ZNF45: variants seen among roughly 807,000 people sequenced by gnomAD.
ZNF45 encodes zinc finger protein 45, also known as BRC1744.
A neutral mutation model predicts 12.0 loss-of-function variants in ZNF45; 4 were observed. That is an observed-to-expected ratio of 0.33 (90% confidence interval 0.16 to 0.76). The LOEUF (loss-of-function observed/expected upper bound fraction) is 0.76, where lower values mean the gene tolerates loss of function less well. Among genes scored for constraint, ZNF45 ranks in the 30% least tolerant of loss-of-function variants. ZNF45 has a pLI of 0.60. For missense variants in ZNF45, 700 were observed against 813.0 expected (o/e 0.86, Z 1.69); for synonymous variants, 272 against 279.6 (o/e 0.97, Z 0.27).
At chr19:43,931,897 T>C (rs915179716) in intron 3 of ZNF45, among the ~76,000 whole-genome samples, 2 of 152,316 alleles carry the variant, frequency 1.3e-5, no homozygotes, top group African/African-American at 4.8e-5. Flanking sequence ...TTGTGTGTGT[T>C]TGTTTTTTCA....
At position 43,914,056 on chromosome 19, in the gene ZNF45, C is replaced by G. The variant is rs1599759543; in HGVS notation, c.1380G>C (p.Leu460=). ...GKGFSQASNL[L]AHQRGHTGEK... Reference sequence around the variant, plus strand: ...CTCCAGTGTGGCCTCTTTGATGGGCCAGAAGATTTGAGGCCTGGCTGAAGC... The same window carrying G: ...CTCCAGTGTGGCCTCTTTGATGGGCGAGAAGATTTGAGGCCTGGCTGAAGC... The change falls in exon 10 of 10, where the codon CTG becomes CTC. Residue 460 remains leucine, a synonymous_variant. Coordinates refer to ENST00000269973, the MANE Select transcript of ZNF45 (RefSeq NM_003425.4). 6.2e-7 allele frequency: 1 copy of G among 1,613,924 alleles called. No individual in the cohort carries two copies. The highest frequency in any genetic ancestry group is 8.5e-7 in the Non-Finnish European group (1 of 1,179,934).
At chr19:43,922,820 G>GTTTTTTTTTTTTTT (rs368057244) in intron 6 of ZNF45, among the ~76,000 whole-genome samples, 1 of 86,506 alleles carries the variant, frequency 1.2e-5, no homozygotes, top group Non-Finnish European at 2.1e-5. Flanking sequence ...TAAATTCTTT[G>GTTTTTTTTTTTTTT]TTTTTTTTTT....
intron 3 of ZNF45, among the ~76,000 whole-genome samples, chr19:43,928,195 A>G (rs1973847962): frequency 6.6e-6 from 1 of 151,720 alleles, no homozygotes. Context: ...AAAAAAAAAA[A>G]AAAAAAGATG....
chr19:43,933,245 C>T (rs1180342895), intron 2 of ZNF45, among the ~76,000 whole-genome samples: 3 of 151,964 alleles, frequency 2.0e-5, no homozygotes, highest in Non-Finnish European at 4.4e-5. Flanking sequence ...CTGAGGTGGG[C>T]GGATCACTTG....
In ZNF45 at chr19:43,913,887, C is replaced by T. The variant is rs1341005183; in HGVS notation, c.1549G>A (p.Val517Met). The T allele has an allele frequency of 1.9e-6, 3 of 1,613,388 alleles. No individual in the cohort carries two copies. Among genetic ancestry groups the T allele is most frequent in the East Asian group, 4.5e-5 (2 of 44,844 alleles). ...KAFSQFSSLQVHQRVHTGEKP... is the reference protein window; with the variant it reads ...KAFSQFSSLQMHQRVHTGEKP... ...TCTCCAGTGTGAACTCTCTGATGCA[C>T]CTGAAGGCTGGAGAACTGACTGAAG... is the stretch of plus-strand genomic sequence containing the variant. Residue 517 changes from valine (V) to methionine (M), a missense_variant, in exon 10 of 10, where the codon GTG becomes ATG. Coordinates refer to ENST00000269973, the MANE Select transcript of ZNF45 (RefSeq NM_003425.4).
At chr19:43,917,846 GA>G (rs1972817839) in intron 9 of ZNF45, among the ~76,000 whole-genome samples, 1 of 152,108 alleles carries the variant, frequency 6.6e-6, no homozygotes, top group Non-Finnish European at 1.5e-5. Flanking sequence ...TCAATTTGAG[GA>G]GGGCAATTTC....
intron 3 of ZNF45, among the ~76,000 whole-genome samples, chr19:43,931,072 T>C (rs1199594558): frequency 1.3e-5 from 2 of 152,144 alleles, no homozygotes; most frequent in Admixed American, 1.3e-4. Flanking sequence ...TAAGGCAATA[T>C]AGACTATATA....
chr19:43,930,997 G>A lies in ZNF45; in HGVS notation c.-400+1607C>T, dbSNP rs1416351654. On this transcript the variant is annotated intron_variant, in intron 3 of 9. Coordinates refer to ENST00000269973, the MANE Select transcript of ZNF45 (RefSeq NM_003425.4). ...TCAATTCAGACTAGTTACGTTTCAGGTGCTCAATAATCACATGCGGCTAAT... is the reference window on the plus strand; with the variant it reads ...TCAATTCAGACTAGTTACGTTTCAGATGCTCAATAATCACATGCGGCTAAT... Among the ~76,000 whole-genome samples, 9 of 151,004 alleles carry A rather than the reference G, an allele frequency of 6.0e-5. No homozygotes were observed. The Admixed American group carries it at 6.0e-4, about 10-fold the overall frequency.
Position 43,919,685 on chromosome 19 carries a change from G to C in ZNF45, c.30C>G (p.Phe10Leu), listed in dbSNP as rs1168200350. MTKSKEAVTFKDVAVVFSEE... is the reference protein window; with the variant it reads MTKSKEAVTLKDVAVVFSEE... ...CAGAGAAGACCACAGCCACGTCCTT[G>C]AATGTCACTGCCTCCTACAACATCA... Residue 10 changes from phenylalanine to leucine, a missense_variant, in exon 8 of 10, where the codon TTC becomes TTG. By Grantham distance (22) the Phe-to-Leu change is conservative. Transcript: ENST00000269973. 1 of 1,611,918 alleles carries C rather than the reference G, an allele frequency of 6.2e-7. No homozygotes were observed.
rs1972455253 is a variant in ZNF45 at position 43,914,300 on chromosome 19, T to G, written c.1136A>C (p.Gln379Pro). The change falls in exon 10 of 10, where the codon CAG becomes CCG. Residue 379 changes from glutamine to proline, a missense_variant. By Grantham distance (76) the Gln-to-Pro change is moderately conservative. Coordinates refer to ENST00000269973, the MANE Select transcript of ZNF45 (RefSeq NM_003425.4). ...FSVGSHLQAHQISHTGEKPYK... is the reference protein window; with the variant it reads ...FSVGSHLQAHPISHTGEKPYK... ...TGGCTTCTCTCCAGTGTGGCTTATC[T>G]GATGGGCCTGAAGGTGTGAACCCAC... is the stretch of plus-strand genomic sequence containing the variant. The G allele has an allele frequency of 6.2e-7, 1 of 1,612,392 alleles. No homozygotes were observed. The highest frequency in any genetic ancestry group is 1.3e-5 in the African/African-American group (1 of 74,778).
intron 3 of ZNF45, among the ~76,000 whole-genome samples, chr19:43,925,898 G>A: frequency 6.6e-6 from 1 of 152,144 alleles, no homozygotes; most frequent in Admixed American, 6.5e-5. Flanking sequence ...CTCCCAAAGT[G>A]CTGGGATTAT....
intron 7 of ZNF45, 166 bp from the exon 8 acceptor site, chr19:43,919,865 G>T: frequency 4.7e-6 from 3 of 637,856 alleles, no homozygotes; most frequent in Non-Finnish European, 4.7e-6. Context: ...TTATATTTTA[G>T]GTTTTTCCTT....
At position 43,913,874 on chromosome 19, in the gene ZNF45, ACT is replaced by A. The variant is rs1972408160; in HGVS notation, c.1560_1561del (p.Arg520SerfsTer39). On this transcript the variant is annotated frameshift_variant, in exon 10 of 10. Transcript: ENST00000269973. LOFTEE classifies it low-confidence loss of function (END_TRUNC). ...CTGATATGGTTTCTCTCCAGTGTGA[ACT>A]CTCTGATGCACCTGAAGGCTGGAGA... 6 of 1,611,306 alleles carry A rather than the reference ACT, an allele frequency of 3.7e-6. No homozygotes were observed. The highest frequency in any genetic ancestry group is 1.7e-5 in the Admixed American group (1 of 59,776).
chr19:43,928,512 A>C (rs1013927678), intron 3 of ZNF45, among the ~76,000 whole-genome samples: 1 of 152,206 alleles, frequency 6.6e-6, no homozygotes, highest in Non-Finnish European at 1.5e-5. Context: ...GTACTTCTGC[A>C]GTTACAGAAG....
chr19:43,927,138 G>A (rs1973748058), intron 3 of ZNF45, among the ~76,000 whole-genome samples: 1 of 152,086 alleles, frequency 6.6e-6, no homozygotes, highest in Non-Finnish European at 1.5e-5. Context: ...TCTCCTAACT[G>A]CACCCCAACA....
chr19:43,925,266 A>C (rs1331671872), intron 4 of ZNF45, 59 bp downstream of exon 4: 1 of 152,164 alleles, frequency 6.6e-6, no homozygotes, highest in Non-Finnish European at 1.5e-5. Context: ...TTTGTTGTTT[A>C]AGCCACCCAG....
chr19:43,927,979 A>G (rs1306832802), intron 3 of ZNF45, among the ~76,000 whole-genome samples: 1 of 152,038 alleles, frequency 6.6e-6, no homozygotes, highest in African/African-American at 2.4e-5. Flanking sequence ...GTTCGAGAAC[A>G]GCCTAACCAA....
chr19:43,921,577 A>G (rs1023114928), intron 7 of ZNF45, among the ~76,000 whole-genome samples: 6 of 152,342 alleles, frequency 3.9e-5, no homozygotes, highest in African/African-American at 1.4e-4. Context: ...TATCAAAAGT[A>G]CTTTTTCAAT....
chr19:43,930,670 G>A (rs1974062798), intron 3 of ZNF45, among the ~76,000 whole-genome samples: 1 of 152,158 alleles, frequency 6.6e-6, no homozygotes, highest in Admixed American at 6.5e-5. Flanking sequence ...AGAATGACTG[G>A]TAATGCCTCT....
Sources: allele counts gnomAD v4.1 joint callset (sites outside exome capture counted in the v4.1 genomes callset), GRCh38; gene constraint gnomAD v4.1.1; transcripts MANE v1.5; gene names NCBI Gene and HGNC (gene_info 2026-07-23, HGNC 2026-07-21).